The following TMEM178B variants were observed in gnomAD, a reference collection of about 807,000 sequenced individuals.
The protein encoded by TMEM178B is transmembrane protein 178B.
A neutral mutation model predicts 31.0 loss-of-function variants in TMEM178B; 5 were observed. That is an observed-to-expected ratio of 0.16 (90% CI 0.08 to 0.34). The LOEUF is 0.34. Ranked by LOEUF, TMEM178B falls within the 10% of genes least tolerant of loss-of-function variation. The pLI, the probability that TMEM178B is intolerant of heterozygous loss-of-function variation, is 1.00. For synonymous variants in TMEM178B, 164 were observed against 164.0 expected (o/e 1.00, Z 0.00); for missense variants, 275 against 400.3 (o/e 0.69, Z 2.67).
intron 1 of TMEM178B, among the ~76,000 whole-genome samples, chr7:141,212,380 C>T (rs183086038): frequency 6.6e-6 from 1 of 152,268 alleles, no homozygotes; most frequent in Non-Finnish European, 1.5e-5. Context: ...TGCATGATCC[C>T]AAAGACGTAT....
intron 2 of TMEM178B, among the ~76,000 whole-genome samples, chr7:141,258,144 T>G (rs1318000193): frequency 7.0e-6 from 1 of 143,314 alleles, no homozygotes; most frequent in African/African-American, 2.7e-5. Context: ...TTCTTCTCCT[T>G]TATGCTATTA....
At chr7:141,123,273 C>G (rs1421871995) in intron 1 of TMEM178B, among the ~76,000 whole-genome samples, 1 of 152,196 alleles carries the variant, frequency 6.6e-6, no homozygotes, top group African/African-American at 2.4e-5. Flanking sequence ...GTTCAGGTGG[C>G]CTGGGAGTCT....
intron 1 of TMEM178B, among the ~76,000 whole-genome samples, chr7:141,207,511 A>G (rs115770436): frequency 0.013 from 2,046 of 152,214 alleles, 45 homozygotes; most frequent in African/African-American, 0.047. Context: ...ATCCCCTTGT[A>G]GTTTCAATTC....
chr7:141,111,322 G>T (rs1466078351), intron 1 of TMEM178B, among the ~76,000 whole-genome samples: 1 of 152,092 alleles, frequency 6.6e-6, no homozygotes, highest in Non-Finnish European at 1.5e-5. Context: ...CCAAGATTTG[G>T]TTACCTCCCA....
chr7:141,302,822 G>T (rs1222859081), intron 2 of TMEM178B, among the ~76,000 whole-genome samples: 1 of 152,192 alleles, frequency 6.6e-6, no homozygotes, highest in Non-Finnish European at 1.5e-5. Flanking sequence ...TGTCCTGACA[G>T]ATGCCCAGCA....
chr7:141,352,103 G>A (rs1799740017), intron 2 of TMEM178B: 1 of 152,428 alleles, frequency 6.6e-6, no homozygotes, highest in African/African-American at 2.4e-5. Flanking sequence ...GTGAGAGAGA[G>A]TTTATAAAGG....
At chr7:141,310,260 T>G (rs1798885381) in intron 2 of TMEM178B, among the ~76,000 whole-genome samples, 1 of 152,092 alleles carries the variant, frequency 6.6e-6, no homozygotes, top group South Asian at 2.1e-4. Flanking sequence ...TATTAAAAAG[T>G]GGGCAAAAGA....
chr7:141,182,177 T>C (rs952602216), intron 1 of TMEM178B, among the ~76,000 whole-genome samples: 1 of 152,074 alleles, frequency 6.6e-6, no homozygotes, highest in African/African-American at 2.4e-5. Flanking sequence ...ACCAGGTAAG[T>C]GTCCTGGGCA....
chr7:141,235,718 A>G (rs1049520111), intron 2 of TMEM178B, among the ~76,000 whole-genome samples: 1 of 152,356 alleles, frequency 6.6e-6, no homozygotes, highest in South Asian at 2.1e-4. Context: ...GTCTATGCAT[A>G]TGTTAGTCCC....
chr7:141,338,411 G>T lies in TMEM178B; in HGVS notation c.497-99197G>T, dbSNP rs1362813874. On this transcript the variant is annotated intron_variant, in intron 2 of 3. Transcript: ENST00000565468. Reference sequence around the variant, plus strand: ...AGCAGCATATAAAAGCAATCTTTGGGGTTCGAGCTGGAGGGCACTCTTATT... The same window carrying T: ...AGCAGCATATAAAAGCAATCTTTGGTGTTCGAGCTGGAGGGCACTCTTATT... 2.0e-5 allele frequency among the ~76,000 whole-genome samples: 3 copies of T among 152,130 alleles called. No homozygotes were observed. The East Asian group carries it at 5.8e-4, about 29-fold the overall frequency.
In TMEM178B at chr7:141,308,804, G is replaced by T. The variant is rs896726146; in HGVS notation, c.496+96100G>T. On this transcript the variant is annotated intron_variant, in intron 2 of 3. Transcript: ENST00000565468. The stretch of plus-strand genomic sequence containing the variant: ...TGCCCGACGCTGGGCCATGAGCTGG[G>T]TGGGGAGGGGCCAGGACCCCGGCTC... Among the ~76,000 whole-genome samples, 15 of 152,318 alleles carry T rather than the reference G, an allele frequency of 9.8e-5. No homozygotes were observed. In the East Asian group the frequency reaches 2.9e-3, roughly 29 times the overall value.
At chr7:141,430,069 A>G (rs1801395822) in intron 2 of TMEM178B, 1 of 152,282 alleles carries the variant, frequency 6.6e-6, no homozygotes, top group Non-Finnish European at 1.5e-5. Context: ...TGCCTCTGCT[A>G]TTAGCTGCTT....
intron 2 of TMEM178B, among the ~76,000 whole-genome samples, chr7:141,277,251 T>A (rs184223198): frequency 6.6e-6 from 1 of 152,360 alleles, no homozygotes; most frequent in East Asian, 1.9e-4. Context: ...AAATATTTTC[T>A]TTCTTTGTAT....
At chr7:141,464,413 C>G (rs1802115524) in intron 3 of TMEM178B, among the ~76,000 whole-genome samples, 1 of 152,116 alleles carries the variant, frequency 6.6e-6, no homozygotes, top group Non-Finnish European at 1.5e-5. Context: ...GATCGGGGAC[C>G]CACCATTCAG....
At chr7:141,302,754 A>G (rs770854014) in intron 2 of TMEM178B, among the ~76,000 whole-genome samples, 2 of 152,204 alleles carry the variant, frequency 1.3e-5, no homozygotes, top group Non-Finnish European at 2.9e-5. Context: ...TGCTCTTTCC[A>G]TGAGTGTTAA....
At chr7:141,505,724 T>C in the TMEM178B span, among the ~76,000 whole-genome samples, 10 of 152,238 alleles carry the variant, frequency 6.6e-5, no homozygotes, top group African/African-American at 2.4e-4. Context: ...CTGCTATTTC[T>C]GGCCCTGATG....
chr7:141,085,158 T>C (rs890701446), intron 1 of TMEM178B, among the ~76,000 whole-genome samples: 1 of 148,106 alleles, frequency 6.8e-6, no homozygotes, highest in African/African-American at 2.5e-5. Context: ...GTATTTTTTT[T>C]TTTTTTTTTT....
At chr7:141,440,990 A>G (rs1052725139) in intron 3 of TMEM178B, among the ~76,000 whole-genome samples, 2 of 152,180 alleles carry the variant, frequency 1.3e-5, no homozygotes, top group African/African-American at 2.4e-5. Context: ...GGTCCCTCGA[A>G]GTGTGGTCTT....
chr7:141,234,364 C>A (rs536197522), intron 2 of TMEM178B, among the ~76,000 whole-genome samples: 2 of 152,174 alleles, frequency 1.3e-5, no homozygotes, highest in African/African-American at 4.8e-5. Flanking sequence ...CTGGGACTTC[C>A]CAGACAAGAG....
Sources: gnomAD v4.1 joint callset for allele counts (sites outside exome capture counted in the v4.1 genomes callset) on GRCh38, gnomAD v4.1.1 for gene constraint, MANE v1.5 for transcripts, NCBI Gene and HGNC (gene_info 2026-07-23, HGNC 2026-07-21) for gene names.